Variants in GRIN3A observed in about 807,000 individuals in gnomAD.
GRIN3A encodes the protein glutamate receptor ionotropic, NMDA 3A.
In GRIN3A, 47 loss-of-function variants were observed where a neutral mutation model predicts 92.4. The observed-to-expected ratio is 0.51, with a 90% CI of 0.40 to 0.65. GRIN3A has a LOEUF of 0.65. GRIN3A is among the 30% of genes least tolerant of loss of function. The pLI is 0.00. For missense variants in GRIN3A, 1,324 were observed against 1,393.1 expected (o/e 0.95, Z 0.79); for synonymous variants, 527 against 540.6 (o/e 0.97, Z 0.35).
chr9:101,662,486 A>G (rs1324319517), intron 3 of GRIN3A, among the ~76,000 whole-genome samples: 1 of 151,900 alleles, frequency 6.6e-6, no homozygotes, highest in South Asian at 2.1e-4. Flanking sequence ...AGTGCTCGGC[A>G]TGTGGGAAAT....
intron 2 of GRIN3A, among the ~76,000 whole-genome samples, chr9:101,686,253 A>G (rs1829531569): frequency 1.3e-5 from 2 of 152,212 alleles, no homozygotes; most frequent in African/African-American, 2.4e-5. Context: ...TATCTTTATT[A>G]TACTATACCA....
intron 3 of GRIN3A, among the ~76,000 whole-genome samples, chr9:101,666,971 T>G (rs1829245914): frequency 6.6e-6 from 1 of 152,072 alleles, no homozygotes; most frequent in Admixed American, 6.6e-5. Context: ...ACCACTATAC[T>G]GTGCTATTCT....
chr9:101,616,028 C>T (rs62577383), intron 5 of GRIN3A, among the ~76,000 whole-genome samples: 18,281 of 152,066 alleles, frequency 0.12, 1,931 homozygotes, highest in African/African-American at 0.29. Flanking sequence ...TCTGTTTCCC[C>T]TGTAGAGTAT....
chr9:101,659,120 C>T (rs996571554), intron 3 of GRIN3A, among the ~76,000 whole-genome samples: 3 of 151,842 alleles, frequency 2.0e-5, no homozygotes, highest in Admixed American at 6.6e-5. Context: ...ATTTATTGAG[C>T]ATGAAAATAA....
chr9:101,713,034 C>G (rs1273736930), intron 1 of GRIN3A, among the ~76,000 whole-genome samples: 1 of 152,128 alleles, frequency 6.6e-6, no homozygotes, highest in East Asian at 1.9e-4. Context: ...GATTCAAACC[C>G]AGGTAATCTG....
intron 6 of GRIN3A, among the ~76,000 whole-genome samples, chr9:101,585,136 A>G (rs1208436419): frequency 6.6e-6 from 1 of 152,182 alleles, no homozygotes; most frequent in Admixed American, 6.5e-5. Flanking sequence ...GTAAAAGTAA[A>G]AAATGGCCTC....
rs1285723658 is a variant in GRIN3A at position 101,641,814 on chromosome 9, TA to T, written c.2353-13414del. Among the ~76,000 whole-genome samples the T allele has an allele frequency of 1.1e-3, 159 of 147,556 alleles. 3 individuals carry two copies. The highest frequency in any genetic ancestry group is 3.4e-3 in the African/African-American group (137 of 40,140). The stretch of plus-strand genomic sequence containing the variant: ...AATTAAAAAAAAAAACGAAATGCAA[TA>T]AAAAAAAAGTTGACTTAGAAACTAA... On this transcript the variant is annotated intron_variant, in intron 3 of 8. Transcript: ENST00000361820.
chr9:101,643,654 GTCTCTCTCTC>G (rs74810886), intron 3 of GRIN3A, among the ~76,000 whole-genome samples: 2 of 147,064 alleles, frequency 1.4e-5, no homozygotes, highest in Non-Finnish European at 3.0e-5. Context: ...CAACCTAAAT[GTCTCTCTCTC>G]TCTCTCTCTC....
Position 101,651,636 on chromosome 9 carries a change from TTGTGTG to T in GRIN3A, c.2352+18418_2352+18423del, listed in dbSNP as rs57126529. On this transcript the variant is annotated intron_variant, in intron 3 of 8. Transcript: ENST00000361820. ...TCTGAAGATGTATGCAATAAATCCA[TTGTGTG>T]TGTGTGTGTGTGTGTGTGTGTGTGT... Among the ~76,000 whole-genome samples, 147 of 146,048 alleles carry T rather than the reference TTGTGTG, an allele frequency of 1.0e-3. 1 individual carries two copies. Among genetic ancestry groups the T allele is most frequent in the African/African-American group, 1.5e-3 (58 of 39,712 alleles).
At chr9:101,710,813 T>C (rs570254526) in intron 1 of GRIN3A, among the ~76,000 whole-genome samples, 1 of 152,332 alleles carries the variant, frequency 6.6e-6, no homozygotes, top group South Asian at 2.1e-4. Flanking sequence ...TTCACATTAA[T>C]AGATTTCTTC....
At chr9:101,726,326 T>A (rs745414945) in intron 1 of GRIN3A, among the ~76,000 whole-genome samples, 19 of 152,144 alleles carry the variant, frequency 1.2e-4, no homozygotes, top group Non-Finnish European at 2.1e-4. Context: ...GGCAGAAGAA[T>A]CAGCTGGTAT....
chr9:101,640,628 T>G (rs1351655470), intron 3 of GRIN3A, among the ~76,000 whole-genome samples: 1 of 151,848 alleles, frequency 6.6e-6, no homozygotes, highest in Non-Finnish European at 1.5e-5. Context: ...GATCTCAAGT[T>G]GTAACTCCCA....
intron 6 of GRIN3A, among the ~76,000 whole-genome samples, chr9:101,587,162 T>G (rs1053289276): frequency 1.3e-5 from 2 of 151,842 alleles, no homozygotes; most frequent in African/African-American, 4.8e-5. Flanking sequence ...ATACAAAAAT[T>G]AGTCAGGCAT....
At chr9:101,687,275 C>T (rs1829551521) in intron 1 of GRIN3A, 75 bp from the exon 2 acceptor site, 1 of 1,421,592 alleles carries the variant, frequency 7.0e-7, no homozygotes, top group Non-Finnish European at 9.9e-7. Flanking sequence ...CTTTTGCTTT[C>T]TTATGAGGCT....
At chr9:101,647,032 T>C (rs897007832) in intron 3 of GRIN3A, among the ~76,000 whole-genome samples, 4 of 151,968 alleles carry the variant, frequency 2.6e-5, no homozygotes, top group African/African-American at 9.7e-5. Context: ...CAGTACTATG[T>C]TGAATAAAAG....
At chr9:101,579,558 G>A (rs748481371) in intron 6 of GRIN3A, among the ~76,000 whole-genome samples, 198 bp from the exon 7 acceptor site, 4 of 151,962 alleles carry the variant, frequency 2.6e-5, no homozygotes, top group African/African-American at 4.8e-5. Flanking sequence ...GAGGGCTGCC[G>A]AGGAGCACCC....
chr9:101,698,996 T>C (rs1234493536), intron 1 of GRIN3A, among the ~76,000 whole-genome samples: 1 of 152,202 alleles, frequency 6.6e-6, no homozygotes, highest in Admixed American at 6.5e-5. Context: ...AAGTTTTCTT[T>C]CTTCAATAGT....
intron 6 of GRIN3A, among the ~76,000 whole-genome samples, chr9:101,580,751 AAC>A (rs1197213338): frequency 6.6e-6 from 1 of 152,236 alleles, no homozygotes; most frequent in Non-Finnish European, 1.5e-5. Flanking sequence ...TCTATTTTAT[AAC>A]TAAGGAAAGT....
chr9:101,594,704 T>C (rs1227024419), intron 6 of GRIN3A: 5 of 1,614,108 alleles, frequency 3.1e-6, no homozygotes, highest in African/African-American at 2.7e-5. Flanking sequence ...GATGAATTCC[T>C]TGAAGTCCAC....
Sources: allele counts gnomAD v4.1 joint callset (sites outside exome capture counted in the v4.1 genomes callset), GRCh38; gene constraint gnomAD v4.1.1; transcripts MANE v1.5; gene names NCBI Gene and HGNC (gene_info 2026-07-23, HGNC 2026-07-21).